Variants in DNASE1 observed in about 807,000 individuals in gnomAD.
The protein encoded by DNASE1 is deoxyribonuclease 1, also known as deoxyribonuclease-1.
Under a neutral mutation model 33.9 loss-of-function variants are expected in DNASE1, and 40 were observed. The ratio of observed to expected loss-of-function variants is 1.18; its 90% confidence interval spans 0.92 to 1.54. The LOEUF is 1.54. Among genes scored for constraint, DNASE1 ranks in the 40% most tolerant of loss-of-function variants. The pLI, the probability that DNASE1 is intolerant of heterozygous loss-of-function variation, is 0.00. For missense variants in DNASE1, 518 were observed against 372.6 expected (o/e 1.39, Z -3.21); for synonymous variants, 216 against 160.0 (o/e 1.35, Z -2.64).
intron 1 of DNASE1, among the ~76,000 whole-genome samples, chr16:3,628,071 T>A (rs1432754990): frequency 6.6e-6 from 1 of 152,020 alleles, no homozygotes; most frequent in Non-Finnish European, 1.5e-5. Context: ...GTCCAACCCA[T>A]GAAAGTGTGA....
chr16:3,660,955 G>C (rs1044651078), downstream of DNASE1: 2 of 63,750 alleles, frequency 3.1e-5, no homozygotes, highest in Admixed American at 2.1e-4. Flanking sequence ...GCTACATTGT[G>C]GGGGGGGTGG....
chr16:3,636,539 A>C (rs1477596395), intron 1 of DNASE1, among the ~76,000 whole-genome samples: 1 of 152,190 alleles, frequency 6.6e-6, no homozygotes, highest in East Asian at 1.9e-4. Context: ...GGAACTGAGG[A>C]GGCCGGGCAT....
At chr16:3,623,591 T>A (rs2041398653) in intron 1 of DNASE1, among the ~76,000 whole-genome samples, 1 of 152,068 alleles carries the variant, frequency 6.6e-6, no homozygotes, top group Admixed American at 6.6e-5. Flanking sequence ...GGCAAAGGAC[T>A]AATACGTAGT....
upstream of DNASE1, chr16:3,650,525 T>C (rs1466053783): frequency 6.6e-6 from 1 of 151,656 alleles, no homozygotes; most frequent in Non-Finnish European, 1.5e-5. Flanking sequence ...AATTTTTGAA[T>C]TCCTGTAATA....
At chr16:3,662,822 C>G (rs1452356435), downstream of DNASE1, 1 of 1,556,270 alleles carries the variant, frequency 6.4e-7, no homozygotes, top group Non-Finnish European at 8.8e-7. Flanking sequence ...GAGCCACCAG[C>G]TGGCCAGCCT....
At chr16:3,655,812 C>T (rs1327660933) in intron 2 of DNASE1, 37 bp from the exon 3 acceptor site, 4 of 1,610,762 alleles carry the variant, frequency 2.5e-6, no homozygotes, top group Middle Eastern at 1.8e-4. Context: ...CTGGGTGGCA[C>T]CAGCCCTGCT....
chr16:3,662,220 A>G, downstream of DNASE1: 1 of 1,492,846 alleles, frequency 6.7e-7, no homozygotes, highest in South Asian at 1.3e-5. Context: ...GGTCACCCAG[A>G]CCACGAGGTA....
chr16:3,642,338 C>G (rs985631175), upstream of DNASE1, among the ~76,000 whole-genome samples: 5 of 152,224 alleles, frequency 3.3e-5, no homozygotes, highest in African/African-American at 9.6e-5. Context: ...CGTAGTTACT[C>G]CACCATCCTG....
chr16:3,623,236 G>A (rs988429651), intron 1 of DNASE1, among the ~76,000 whole-genome samples: 2 of 152,120 alleles, frequency 1.3e-5, no homozygotes, highest in Non-Finnish European at 2.9e-5. Flanking sequence ...AATATGCAGT[G>A]GGGGAAGGAC....
Position 3,658,005 on chromosome 16 carries a change from C to G in DNASE1, c.*52C>G. The G allele has an allele frequency of 6.2e-7, 1 of 1,611,738 alleles. No individual in the cohort carries two copies. Among genetic ancestry groups the G allele is most frequent in the African/African-American group, 1.3e-5 (1 of 74,964 alleles). On this transcript the variant is annotated 3_prime_UTR_variant, in exon 9 of 9. Transcript: ENST00000246949. ...TGCAGGAAGAGAGGACCCATCCTGC[C>G]ACAGGACCCAGAAAAAAAGCCCAAC...
At chr16:3,663,658 C>A (rs755276469) in exon 10 of DNASE1, 3 of 1,520,986 alleles carry the variant, frequency 2.0e-6, no homozygotes, top group South Asian at 1.2e-5. Context: ...GGGAGCCAAG[C>A]GGGCCACACT....
At position 3,657,348 on chromosome 16, in the gene DNASE1, A is replaced by T. The variant is rs1263112719; in HGVS notation, c.704+7A>T. 12 of 1,612,304 alleles carry T rather than the reference A, an allele frequency of 7.4e-6. No individual in the cohort carries two copies. Among genetic ancestry groups the T allele is most frequent in the Non-Finnish European group, 9.3e-6 (11 of 1,179,926 alleles). Reference sequence around the variant, plus strand: ...CGCACTGTGCCTATGACAGGTGAGCAGGGCCTCGCGCTTAGGGCAGACTGA... The same window carrying T: ...CGCACTGTGCCTATGACAGGTGAGCTGGGCCTCGCGCTTAGGGCAGACTGA... On this transcript the variant is annotated splice_region_variant and intron_variant, in intron 7 of 8. Transcript: ENST00000246949.
intron 1 of DNASE1, among the ~76,000 whole-genome samples, chr16:3,634,676 ATTT>A (rs894601801): frequency 1.4e-5 from 2 of 144,776 alleles, no homozygotes; most frequent in African/African-American, 5.1e-5. Context: ...TGCCTAGATA[ATTT>A]TTTTTTTTAA....
Position 3,655,929 on chromosome 16 carries a change from C to T in DNASE1, c.228C>T (p.Asn76=), listed in dbSNP as rs1391213536. The T allele has an allele frequency of 5.6e-6, 9 of 1,614,078 alleles. No individual in the cohort carries two copies. Among genetic ancestry groups the T allele is most frequent in the Middle Eastern group, 1.6e-4 (1 of 6,062 alleles). The part of the protein sequence containing the change: ...HLTAVGKLLD[N]LNQDAPDTYH... ...CTGCCGTGGGGAAGCTGCTGGACAA[C>T]CTCAATCAGTGGGTGACAGTGGCAG... The change falls in exon 3 of 9, where the codon AAC becomes AAT. Residue 76 remains asparagine, a synonymous_variant. Transcript: ENST00000246949.
At chr16:3,621,158 C>T (rs889106086) in intron 1 of DNASE1, among the ~76,000 whole-genome samples, 2 of 151,976 alleles carry the variant, frequency 1.3e-5, no homozygotes, top group Non-Finnish European at 2.9e-5. Context: ...TGCAGTGGCA[C>T]GAGCATAGAC....
At chr16:3,658,894 A>T, downstream of DNASE1, 1 of 1,612,608 alleles carries the variant, frequency 6.2e-7, no homozygotes, top group Middle Eastern at 1.7e-4. Flanking sequence ...CAGAAAAAGC[A>T]GCTCAGTACC....
upstream of DNASE1, chr16:3,654,320 C>T: frequency 2.5e-6 from 1 of 398,676 alleles, no homozygotes; most frequent in Non-Finnish European, 4.4e-6. Context: ...CCCCACGGCG[C>T]TGGTGCTGCA....
At chr16:3,618,846 C>T (rs2041200754) in intron 1 of DNASE1, among the ~76,000 whole-genome samples, 1 of 152,112 alleles carries the variant, frequency 6.6e-6, no homozygotes, top group Admixed American at 6.5e-5. Flanking sequence ...TGAACATTTG[C>T]TTATTTCCGT....
At position 3,656,197 on chromosome 16, in the gene DNASE1, A is replaced by C. The variant is rs754793218; in HGVS notation, c.320+12A>C. 6.2e-7 allele frequency: 1 copy of C among 1,613,680 alleles called. No homozygotes were observed. Among genetic ancestry groups the C allele is most frequent in the East Asian group, 2.2e-5 (1 of 44,844 alleles). ...CTGTTCGTGTACAGGTGGGTGGTCT[A>C]GAAAGCCAGGAAGCCCCTCCCTCAC... On this transcript the variant is annotated intron_variant, in intron 4 of 8. Transcript: ENST00000246949.
Sources: allele counts gnomAD v4.1 joint callset (sites outside exome capture counted in the v4.1 genomes callset), GRCh38; gene constraint gnomAD v4.1.1; transcripts MANE v1.5; gene names NCBI Gene and HGNC (gene_info 2026-07-23, HGNC 2026-07-21).